VCL: variants seen among roughly 807,000 people sequenced by gnomAD.
VCL encodes the protein epididymis luminal protein 114.
VCL carries 47 observed loss-of-function variants against 125.7 expected under a neutral mutation model. That is an observed-to-expected ratio of 0.37 (90% CI 0.30 to 0.48). The LOEUF (loss-of-function observed/expected upper bound fraction) is 0.48, where lower values mean the gene tolerates loss of function less well. Ranked by LOEUF, VCL falls within the 20% of genes least tolerant of loss-of-function variation. The pLI is 0.99. For missense variants in VCL, 1,069 were observed against 1,455.5 expected, an observed-to-expected ratio of 0.73 and a Z score of 4.32; for synonymous variants, 458 against 514.6, an observed-to-expected ratio of 0.89 and a Z score of 1.49.
intron 2 of VCL, among the ~76,000 whole-genome samples, chr10:74,066,140 A>G (rs978118322): frequency 2.0e-5 from 3 of 147,258 alleles, no homozygotes; most frequent in African/African-American, 2.6e-5. Context: ...GCTCACCGCA[A>G]CCTCCGCCTC....
In VCL at chr10:74,034,993, C is replaced by G. The variant is rs1840944780; in HGVS notation, c.169-8090C>G. On this transcript the variant is annotated intron_variant, in intron 1 of 21. Transcript: ENST00000211998. ...TGATTTGAGCCACAGTAAGTACAGGCAAATGGGTACACATTCTTAAGTCTG... is the reference window on the plus strand; with the variant it reads ...TGATTTGAGCCACAGTAAGTACAGGGAAATGGGTACACATTCTTAAGTCTG... Among the ~76,000 whole-genome samples, 3 of 152,196 alleles carry G rather than the reference C, an allele frequency of 2.0e-5. No individual in the cohort carries two copies. The South Asian group carries it at 6.2e-4, about 32-fold the overall frequency.
chr10:74,073,179 T>C (rs1300456267), intron 5 of VCL, among the ~76,000 whole-genome samples: 1 of 152,180 alleles, frequency 6.6e-6, no homozygotes, highest in Non-Finnish European at 1.5e-5. Flanking sequence ...GACCTCGTGA[T>C]CTGCCTGCCT....
At chr10:74,101,257 G>A (rs983344054) in intron 14 of VCL, among the ~76,000 whole-genome samples, 160 bp downstream of exon 14, 1 of 151,708 alleles carries the variant, frequency 6.6e-6, no homozygotes, top group Non-Finnish European at 1.5e-5. Context: ...AGGGTGAGGC[G>A]GGAGGACTGC....
chr10:74,060,359 A>G (rs990727873), intron 2 of VCL, among the ~76,000 whole-genome samples: 1 of 152,042 alleles, frequency 6.6e-6, no homozygotes, highest in Non-Finnish European at 1.5e-5. Flanking sequence ...GAACCCTTAA[A>G]AAGGACTTGC....
chr10:74,089,743 CAT>C (rs755474309), intron 9 of VCL, among the ~76,000 whole-genome samples: 9 of 152,136 alleles, frequency 5.9e-5, no homozygotes, highest in South Asian at 4.1e-4. Context: ...CACAAACACA[CAT>C]GTTTGAGGAA....
intron 1 of VCL, among the ~76,000 whole-genome samples, chr10:74,040,746 T>C (rs559962184): frequency 6.6e-6 from 1 of 152,364 alleles, no homozygotes; most frequent in East Asian, 1.9e-4. Context: ...AGATATGTGT[T>C]GCTTTTTCTA....
chr10:74,073,174 C>T (rs1163372122), intron 5 of VCL, among the ~76,000 whole-genome samples: 2 of 152,040 alleles, frequency 1.3e-5, no homozygotes, highest in Non-Finnish European at 1.5e-5. Context: ...CTCTTGACCT[C>T]GTGATCTGCC....
intron 2 of VCL, chr10:74,063,596 T>A (rs561595250): frequency 6.6e-6 from 1 of 152,284 alleles, no homozygotes; most frequent in East Asian, 1.9e-4. Context: ...AACTGTCAAC[T>A]TAGAATTCTG....
chr10:74,031,190 A>G (rs1474167781), intron 1 of VCL, among the ~76,000 whole-genome samples: 2 of 152,214 alleles, frequency 1.3e-5, no homozygotes, highest in African/African-American at 2.4e-5. Context: ...CTAAGAAGAT[A>G]TAGCCCATTA....
At chr10:74,087,603 G>A (rs1204858954) in intron 8 of VCL, among the ~76,000 whole-genome samples, 11 of 145,968 alleles carry the variant, frequency 7.5e-5, no homozygotes, top group East Asian at 2.0e-4. Flanking sequence ...CTCGTGATCC[G>A]CCCACCTTGG....
At chr10:74,020,101 A>G (rs781025719) in intron 1 of VCL, among the ~76,000 whole-genome samples, 1 of 152,042 alleles carries the variant, frequency 6.6e-6, no homozygotes, top group African/African-American at 2.4e-5. Context: ...ATTTATTTTC[A>G]GGGGAGCACT....
chr10:74,036,931 G>A, intron 1 of VCL, among the ~76,000 whole-genome samples: 1 of 148,260 alleles, frequency 6.7e-6, no homozygotes, highest in East Asian at 2.0e-4. Flanking sequence ...TTTCTTTTGA[G>A]ATGGAGTCTC....
chr10:74,108,296 C>A (rs570250827), intron 17 of VCL, among the ~76,000 whole-genome samples: 1 of 152,286 alleles, frequency 6.6e-6, no homozygotes, highest in Non-Finnish European at 1.5e-5. Flanking sequence ...AGCTACCCCT[C>A]AGTGACAGAT....
At chr10:74,072,586 G>C in intron 4 of VCL, 144 bp from the exon 5 acceptor site, 5 of 1,109,872 alleles carry the variant, frequency 4.5e-6, no homozygotes, top group South Asian at 4.0e-5. Context: ...GCATAAATTA[G>C]AGTTCAGTGA....
chr10:74,045,555 G>A lies in VCL; in HGVS notation c.239+2402G>A, dbSNP rs191903265. On this transcript the variant is annotated intron_variant, in intron 2 of 21. Coordinates refer to ENST00000211998, the MANE Select transcript of VCL (RefSeq NM_014000.3). ...GGAGAATCACTTGAATCCGGGTGGC[G>A]GAGGTTGCAGTGAGCCAAGATCAAG... Among the ~76,000 whole-genome samples, 204 of 151,556 alleles carry A rather than the reference G, an allele frequency of 1.3e-3. 3 individuals carry two copies. Among genetic ancestry groups the A allele is most frequent in the Middle Eastern group, 3.4e-3 (1 of 294 alleles).
At chr10:74,082,183 A>G (rs973260229) in intron 6 of VCL, among the ~76,000 whole-genome samples, 5 of 152,220 alleles carry the variant, frequency 3.3e-5, no homozygotes, top group African/African-American at 4.8e-5. Flanking sequence ...TTCTGGCTTG[A>G]GCAATTTTAC....
At position 74,118,306 on chromosome 10, in the gene VCL, C is replaced by T; in HGVS notation, c.*137C>T. ...TGGCACATCAGAAAGGAATGGGGGC[C>T]TCTTCAAATTAGAAGACATTTATAC... On this transcript the variant is annotated 3_prime_UTR_variant, in exon 22 of 22. Coordinates refer to ENST00000211998, the MANE Select transcript of VCL (RefSeq NM_014000.3). 9.8e-6 allele frequency: 10 copies of T among 1,025,178 alleles called. No individual in the cohort carries two copies. The highest frequency in any genetic ancestry group is 1.5e-5 in the Non-Finnish European group (10 of 677,740). The allele number at this position is 1,025,178 out of a possible 1,614,324, so 63.5% of individuals were successfully genotyped here. A position where few individuals can be genotyped will look rare whatever the true frequency, so the allele number is the denominator to read the frequency against.
At chr10:74,096,102 C>A (rs1234595760) in intron 12 of VCL, among the ~76,000 whole-genome samples, 1 of 151,588 alleles carries the variant, frequency 6.6e-6, no homozygotes, top group Admixed American at 6.6e-5. Flanking sequence ...TTGCTCTATC[C>A]ACATATCATC....
At chr10:74,020,677 C>CA (rs1217604687) in intron 1 of VCL, among the ~76,000 whole-genome samples, 1 of 151,466 alleles carries the variant, frequency 6.6e-6, no homozygotes, top group Non-Finnish European at 1.5e-5. Context: ...CCTGTCTCTA[C>CA]AAAAAATACA....
Sources: allele counts gnomAD v4.1 joint callset (sites outside exome capture counted in the v4.1 genomes callset), GRCh38; gene constraint gnomAD v4.1.1; transcripts MANE v1.5; gene names NCBI Gene and HGNC (gene_info 2026-07-23, HGNC 2026-07-21).